The following C12orf60 variants were observed in gnomAD, a reference collection of about 807,000 sequenced individuals.
The protein encoded by C12orf60 is chromosome 12 open reading frame 60, also known as uncharacterized protein C12orf60.
For missense variants in C12orf60, 284 were observed against 283.2 expected (o/e 1.00, Z -0.02); for synonymous variants, 102 against 94.6 (o/e 1.08, Z -0.45).
At chr12:14,808,381 A>T (rs1020813594) in intron 1 of C12orf60, among the ~76,000 whole-genome samples, 105 of 151,828 alleles carry the variant, frequency 6.9e-4, no homozygotes, top group African/African-American at 2.5e-3. Context: ...TTTTTTTTTT[A>T]AATTACACTC....
At position 14,806,712 on chromosome 12, in the gene C12orf60, G is replaced by T. The variant is rs559452173; in HGVS notation, c.-25+2961G>T. 17 of 1,542,772 alleles carry T rather than the reference G, an allele frequency of 1.1e-5. No homozygotes were observed. In the South Asian group the frequency reaches 2.1e-4, roughly 19 times the overall value. ...AATATGATCGCTGAAAAATAAAATG[G>T]TAAATTTTTACTGAAAGTCTTAAAA... On this transcript the variant is annotated intron_variant, in intron 1 of 1. Transcript: ENST00000330828.
chr12:14,815,027 A>T (rs890931246), intron 1 of C12orf60, among the ~76,000 whole-genome samples: 1 of 152,226 alleles, frequency 6.6e-6, no homozygotes, highest in Non-Finnish European at 1.5e-5. Flanking sequence ...TAGTGTTTAT[A>T]AAGTAATTGG....
At chr12:14,817,111 G>C (rs186798623) in intron 1 of C12orf60, among the ~76,000 whole-genome samples, 43 of 152,116 alleles carry the variant, frequency 2.8e-4, no homozygotes, top group African/African-American at 1.0e-3. Flanking sequence ...TATGCTTTTG[G>C]TGTCATACAT....
intron 1 of C12orf60, chr12:14,804,630 A>C (rs1950019142): frequency 6.6e-6 from 1 of 152,240 alleles, no homozygotes; most frequent in African/African-American, 2.4e-5. Context: ...AGTACATAAA[A>C]AAGAAAATAA....
At chr12:14,812,796 G>A (rs929665703) in intron 1 of C12orf60, among the ~76,000 whole-genome samples, 1 of 151,916 alleles carries the variant, frequency 6.6e-6, no homozygotes, top group African/African-American at 2.4e-5. Flanking sequence ...ACATACACAG[G>A]TTTGTTCCCT....
chr12:14,816,733 C>A (rs1467918422), intron 1 of C12orf60, among the ~76,000 whole-genome samples: 1 of 148,844 alleles, frequency 6.7e-6, no homozygotes, highest in Non-Finnish European at 1.5e-5. Context: ...CTGATCAGGT[C>A]TTTATATTTT....
intron 1 of C12orf60, chr12:14,805,622 A>C (rs1336758100): frequency 5.9e-6 from 1 of 168,880 alleles, no homozygotes; most frequent in Non-Finnish European, 1.3e-5. Context: ...TGATGTTTGA[A>C]GCTGGTGGTA....
rs1950331153 is a variant in C12orf60, at chr12:14,823,088, AAAC to A, written c.156_158del (p.Asn53del). 1 of 1,614,178 alleles carries A rather than the reference AAAC, an allele frequency of 6.2e-7. No individual in the cohort carries two copies. Among genetic ancestry groups the A allele is most frequent in the Admixed American group, 1.7e-5 (1 of 60,034 alleles). ...CTCAAATCCTTTTGATGGCTGTGAA[AAAC>A]AATAGTTACATTAAGGATTTTTTTG... On this transcript the variant is annotated inframe_deletion, in exon 2 of 2. Transcript: ENST00000330828.
intron 1 of C12orf60, among the ~76,000 whole-genome samples, chr12:14,812,200 T>C (rs1375536499): frequency 1.3e-5 from 2 of 152,142 alleles, no homozygotes; most frequent in Non-Finnish European, 2.9e-5. Flanking sequence ...ATCCGAGCAC[T>C]TTGGGAGGCC....
chr12:14,806,227 A>G (rs773412526), intron 1 of C12orf60: 1 of 1,614,228 alleles, frequency 6.2e-7, no homozygotes, highest in South Asian at 1.1e-5. Context: ...ATTTGAGCTA[A>G]CACAGTGACC....
intron 1 of C12orf60, among the ~76,000 whole-genome samples, chr12:14,821,092 CTTAAA>C (rs1950298186): frequency 6.6e-6 from 1 of 152,014 alleles, no homozygotes; most frequent in Non-Finnish European, 1.5e-5. Flanking sequence ...TATTGATATG[CTTAAA>C]TTAAGTGTAA....
chr12:14,808,941 A>G (rs1950095680), intron 1 of C12orf60, among the ~76,000 whole-genome samples: 1 of 152,234 alleles, frequency 6.6e-6, no homozygotes. Flanking sequence ...GTAATTTGCT[A>G]AGCACAGATT....
At chr12:14,821,849 A>T (rs1456632370) in intron 1 of C12orf60, among the ~76,000 whole-genome samples, 1 of 151,862 alleles carries the variant, frequency 6.6e-6, no homozygotes. Context: ...CTGCAAGGTC[A>T]CTACCACCAT....
intron 1 of C12orf60, among the ~76,000 whole-genome samples, chr12:14,818,499 G>A (rs757159867): frequency 1.8e-4 from 28 of 152,120 alleles, no homozygotes; most frequent in Non-Finnish European, 1.9e-4. Context: ...TCAGTTGACC[G>A]GCCAGGCACA....
chr12:14,821,740 C>T (rs569166247), intron 1 of C12orf60, among the ~76,000 whole-genome samples: 4 of 151,810 alleles, frequency 2.6e-5, no homozygotes, highest in African/African-American at 4.8e-5. Flanking sequence ...GTTTGATTCC[C>T]GGGGGTCCCC....
intron 1 of C12orf60, among the ~76,000 whole-genome samples, chr12:14,811,752 T>C (rs1950142443): frequency 6.6e-6 from 1 of 152,224 alleles, no homozygotes; most frequent in African/African-American, 2.4e-5. Context: ...GTACTGATCA[T>C]CATATGTTCA....
At position 14,823,619 on chromosome 12, in the gene C12orf60, G is replaced by C. The variant is rs17761825; in HGVS notation, c.684G>C (p.Ala228=). The change falls in exon 2 of 2, where the codon GCG becomes GCC. Residue 228 remains alanine (A), a synonymous_variant. Coordinates refer to ENST00000330828, the MANE Select transcript of C12orf60 (RefSeq NM_175874.4). The part of the protein sequence containing the change: ...MGPILEILQK[A]IKTMEMNISV... ...CAATCTTAGAGATCCTCCAAAAAGC[G>C]ATAAAGACTATGGAAATGAATATTT... 0.18 allele frequency: 290,520 copies of C among 1,602,678 alleles called. 28,203 individuals carry two copies. Among genetic ancestry groups the C allele is most frequent in the Middle Eastern group, 0.21 (1,249 of 5,994 alleles).
chr12:14,814,168 G>C (rs750875532), intron 1 of C12orf60: 6 of 152,130 alleles, frequency 3.9e-5, no homozygotes, highest in Non-Finnish European at 7.3e-5. Context: ...AGTTGTTTAG[G>C]AGTATTGTTA....
chr12:14,823,565 G>A lies in C12orf60; in HGVS notation c.630G>A (p.Leu210=). 1.2e-6 allele frequency: 2 copies of A among 1,613,798 alleles called. No individual in the cohort carries two copies. Among genetic ancestry groups the A allele is most frequent in the Non-Finnish European group, 1.7e-6 (2 of 1,179,906 alleles). ...ATCCCACAAAGTCAGCAGCAGATTT[G>A]TTGGAACAAATTGTCAAGGCTATGG... ...SKNPTKSAAD[L]LEQIVKAMGP... The change falls in exon 2 of 2, where the codon TTG becomes TTA. Residue 210 remains leucine (L), a synonymous_variant. Coordinates refer to ENST00000330828, the MANE Select transcript of C12orf60 (RefSeq NM_175874.4).
Sources: allele counts gnomAD v4.1 joint callset (sites outside exome capture counted in the v4.1 genomes callset), GRCh38; gene constraint gnomAD v4.1.1; transcripts MANE v1.5; gene names NCBI Gene and HGNC (gene_info 2026-07-23, HGNC 2026-07-21).